Variants in PRRT1B observed in about 807,000 individuals in gnomAD.
PRRT1B encodes the protein proline rich transmembrane protein 1B.
In PRRT1B at chr9:131,550,780, T is replaced by C. The variant is rs112545809; in HGVS notation, c.26-3777T>C. On this transcript the variant is annotated intron_variant, in intron 1 of 3. Coordinates refer to ENST00000636672, the Ensembl canonical transcript of PRRT1B. ...CTCAGAATAACAAACTATGCTCAAC[T>C]CCCTCTCTAATCTTTTCTGGCAGGG... Among the ~76,000 whole-genome samples the C allele has an allele frequency of 7.4e-3, 1,131 of 152,186 alleles. 7 individuals are homozygous for C. The highest frequency in any genetic ancestry group is 0.026 in the African/African-American group (1,085 of 41,524).
At chr9:131,556,041 C>T (rs1951047037) in intron 2 of PRRT1B, 29 bp from the exon 3 acceptor site, 1 of 400,402 alleles carries the variant, frequency 2.5e-6, no homozygotes, top group South Asian at 1.3e-4. Flanking sequence ...TGGGCCAGCT[C>T]CCTCACCACT....
intron 1 of PRRT1B, among the ~76,000 whole-genome samples, chr9:131,546,905 C>A (rs1950979198): frequency 6.6e-6 from 1 of 151,984 alleles, no homozygotes; most frequent in Admixed American, 6.6e-5. Context: ...CCCGGAGAGA[C>A]CTGTTTAGAG....
At position 131,554,588 on chromosome 9, in the gene PRRT1B, C is replaced by CACCCCCGAGG. The variant is rs1951033813; in HGVS notation, c.65_74dup (p.Ser26GlyfsTer201). The CACCCCCGAGG allele has an allele frequency of 2.5e-6, 1 of 396,248 alleles. No homozygotes were observed. The highest frequency in any genetic ancestry group is 4.5e-6 in the Non-Finnish European group (1 of 224,506). The allele number at this position is 396,248 out of a possible 1,614,324, so 24.5% of individuals were successfully genotyped here. ...ACACGAAAGGGGGCGGCAGCCCCGC[C>CACCCCCGAGG]ACCCCCGAGGACCCCCGGAGCCCCG... is the stretch of plus-strand genomic sequence containing the variant. On this transcript the variant is annotated frameshift_variant, in exon 2 of 4. Coordinates refer to ENST00000636672, the Ensembl canonical transcript of PRRT1B. LOFTEE classifies it high-confidence loss of function.
exon 2 of PRRT1B, chr9:131,554,874 G>A (rs1304056478): frequency 2.1e-5 from 8 of 377,198 alleles, no homozygotes; most frequent in Non-Finnish European, 3.8e-5. Context: ...CCCCAAGGCC[G>A]CGCCGCTGCT....
intron 1 of PRRT1B, among the ~76,000 whole-genome samples, chr9:131,550,939 C>CTTTTTTTTTT (rs546049217): frequency 7.9e-5 from 6 of 75,920 alleles, no homozygotes; most frequent in Admixed American, 3.4e-4. Flanking sequence ...TTTTCTTTTT[C>CTTTTTTTTTT]TTTTTTTTTT....
At chr9:131,549,464 A>G (rs1420143051) in intron 1 of PRRT1B, among the ~76,000 whole-genome samples, 1 of 151,984 alleles carries the variant, frequency 6.6e-6, no homozygotes, top group Non-Finnish European at 1.5e-5. Flanking sequence ...GGACTGTTCA[A>G]CTCACCTGGC....
At chr9:131,555,693 T>C (rs7039345) in intron 2 of PRRT1B, among the ~76,000 whole-genome samples, 7,408 of 151,148 alleles carry the variant, frequency 0.049, 540 homozygotes, top group African/African-American at 0.16. Context: ...AAAACAAAAA[T>C]AAAAATAAAA....
At chr9:131,555,872 G>A (rs76668733) in intron 2 of PRRT1B, among the ~76,000 whole-genome samples, 198 bp from the exon 3 acceptor site, 7,930 of 152,146 alleles carry the variant, frequency 0.052, 295 homozygotes, top group Middle Eastern at 0.11. Flanking sequence ...AGGGCTCAGC[G>A]GGGCTGAGTG....
intron 1 of PRRT1B, among the ~76,000 whole-genome samples, chr9:131,552,656 G>C (rs551349402): frequency 6.7e-5 from 10 of 149,116 alleles, no homozygotes; most frequent in Non-Finnish European, 1.0e-4. Context: ...ATGCAGTTTG[G>C]GGGGGAGCCC....
chr9:131,556,289 C>T (rs924305896), intron 3 of PRRT1B, 76 bp downstream of exon 3: 1 of 399,548 alleles, frequency 2.5e-6, no homozygotes, highest in African/African-American at 2.1e-5. Flanking sequence ...CCACAGAGCC[C>T]CTCTTCCAGC....
At chr9:131,555,144 G>A in intron 2 of PRRT1B, 115 bp downstream of exon 2, 1 of 104,998 alleles carries the variant, frequency 9.5e-6, no homozygotes, top group Non-Finnish European at 1.5e-5. Context: ...GAGTCCGGGA[G>A]GCTCCCTGGA....
At chr9:131,546,388 C>T (rs1950974861) in intron 1 of PRRT1B, among the ~76,000 whole-genome samples, 1 of 152,152 alleles carries the variant, frequency 6.6e-6, no homozygotes, top group South Asian at 2.1e-4. Context: ...CGCCCACCCC[C>T]AGGCGTCAGG....
At chr9:131,554,593 C>G (rs1426457223) in exon 2 of PRRT1B, 6 of 396,214 alleles carry the variant, frequency 1.5e-5, no homozygotes, top group Non-Finnish European at 2.7e-5. Flanking sequence ...CCCGCCACCC[C>G]CGAGGACCCC....
chr9:131,554,867 C>T, exon 2 of PRRT1B: 1 of 378,736 alleles, frequency 2.6e-6, no homozygotes, highest in African/African-American at 2.1e-5. Flanking sequence ...CGCCGGACCC[C>T]AAGGCCGCGC....
intron 2 of PRRT1B, among the ~76,000 whole-genome samples, chr9:131,555,707 A>C (rs926769708): frequency 3.3e-5 from 5 of 152,022 alleles, no homozygotes; most frequent in African/African-American, 1.2e-4. Context: ...AATAAAAATA[A>C]AAATAAACAA....
chr9:131,547,098 G>A (rs1353310712), intron 1 of PRRT1B, among the ~76,000 whole-genome samples: 2 of 110,150 alleles, frequency 1.8e-5, no homozygotes, highest in South Asian at 2.7e-4. Flanking sequence ...TTGAGACTGA[G>A]TCTCGTTCTA....
rs1216973894 is a variant in PRRT1B at position 131,551,339 on chromosome 9, C to T, written c.26-3218C>T. On this transcript the variant is annotated intron_variant, in intron 1 of 3. Coordinates refer to ENST00000636672, the Ensembl canonical transcript of PRRT1B. The surrounding 1 kb of genome is among the most constrained non-coding windows in gnomAD (Gnocchi z 4.4). The stretch of plus-strand genomic sequence containing the variant: ...TTCTAACAACCCCACAATATCACCT[C>T]TTACCACAAAATCTTCCTTCAGCTT... 6.6e-6 allele frequency among the ~76,000 whole-genome samples: 1 copy of T among 152,090 alleles called. No individual in the cohort carries two copies. The highest frequency in any genetic ancestry group is 2.4e-5 in the African/African-American group (1 of 41,402).
chr9:131,556,605 C>T (rs1411694190), intron 3 of PRRT1B, among the ~76,000 whole-genome samples: 1 of 151,960 alleles, frequency 6.6e-6, no homozygotes, highest in African/African-American at 2.4e-5. Context: ...TTCACCCACC[C>T]ATTTATCCAT....
intron 1 of PRRT1B, among the ~76,000 whole-genome samples, chr9:131,554,265 T>C (rs1951030938): frequency 7.0e-6 from 1 of 141,846 alleles, no homozygotes; most frequent in South Asian, 2.3e-4. Flanking sequence ...AGGCCTTAGT[T>C]GGGGGTGAAA....
Sources: allele counts gnomAD v4.1 joint callset (sites outside exome capture counted in the v4.1 genomes callset), GRCh38; gene constraint gnomAD v4.1.1; non-coding constraint Gnocchi (gnomAD v3.1); transcripts MANE v1.5; gene names NCBI Gene and HGNC (gene_info 2026-07-23, HGNC 2026-07-21).